Variants in TNR observed in about 807,000 individuals in gnomAD.
TNR encodes the protein tenascin R, also known as tenascin-R.
A neutral mutation model predicts 150.4 loss-of-function variants in TNR; 45 were observed. The observed-to-expected ratio is 0.30, with a 90% CI of 0.24 to 0.38. The LOEUF is 0.38. Among genes scored for constraint, TNR ranks in the 10% least tolerant of loss-of-function variants. TNR has a pLI of 1.00. For synonymous variants in TNR, 687 were observed against 678.4 expected (o/e 1.01, Z -0.20); for missense variants, 1,544 against 1,759.1 (o/e 0.88, Z 2.19).
chr1:175,438,333 T>C (rs1414954944), intron 2 of TNR, among the ~76,000 whole-genome samples: 1 of 152,176 alleles, frequency 6.6e-6, no homozygotes, highest in Non-Finnish European at 1.5e-5. Flanking sequence ...CAACAACCCT[T>C]CGTGCTAAAA....
intron 1 of TNR, among the ~76,000 whole-genome samples, chr1:175,560,474 AG>A (rs925014812): frequency 2.6e-5 from 4 of 152,262 alleles, no homozygotes; most frequent in African/African-American, 9.6e-5. Flanking sequence ...AAACTTTGTC[AG>A]GGGCCTTGCC....
At chr1:175,638,034 A>G (rs6425354) in intron 1 of TNR, among the ~76,000 whole-genome samples, 2 of 152,068 alleles carry the variant, frequency 1.3e-5, no homozygotes, top group Non-Finnish European at 2.9e-5. Context: ...GACAAGCTGC[A>G]TAGAAGCATC....
intron 1 of TNR, among the ~76,000 whole-genome samples, chr1:175,551,452 G>A (rs1017544030): frequency 2.0e-5 from 3 of 152,172 alleles, no homozygotes; most frequent in Non-Finnish European, 4.4e-5. Flanking sequence ...ACTGGGTCTG[G>A]AAATCAGAGA....
At position 175,406,337 on chromosome 1, in the gene TNR, T is replaced by C. The variant is rs780897487; in HGVS notation, c.378A>G (p.Pro126=). 2.5e-6 allele frequency: 4 copies of C among 1,614,128 alleles called. No individual in the cohort carries two copies. The highest frequency in any genetic ancestry group is 3.4e-6 in the Non-Finnish European group (4 of 1,179,996). ...GCAGCACCTGGGCTGAACTGGCACA[T>C]GGACAGGCCTTTTTGGGGAAGTTGA... The part of the protein sequence containing the change: ...HRINFPKKAC[P]CASSAQVLQE... The change falls in exon 3 of 23, where the codon CCA becomes CCG. Residue 126 remains proline, a synonymous_variant. Coordinates refer to ENST00000367674, the MANE Select transcript of TNR (RefSeq NM_003285.3).
chr1:175,675,940 G>C (rs1017306403), intron 1 of TNR, among the ~76,000 whole-genome samples: 12 of 152,166 alleles, frequency 7.9e-5, no homozygotes, highest in Non-Finnish European at 1.3e-4. Flanking sequence ...TTGTGGGGAG[G>C]ATGTGAAAGG....
At chr1:175,398,390 G>A (rs1328917318) in intron 4 of TNR, among the ~76,000 whole-genome samples, 2 of 152,058 alleles carry the variant, frequency 1.3e-5, no homozygotes, top group Non-Finnish European at 1.5e-5. Context: ...AAGTGTAAAC[G>A]AAATTTAAAT....
chr1:175,644,784 G>T (rs1390195118), intron 1 of TNR, among the ~76,000 whole-genome samples: 1 of 152,250 alleles, frequency 6.6e-6, no homozygotes, highest in African/African-American at 2.4e-5. Context: ...TGGTCTTGAA[G>T]TGCTGTGGCA....
chr1:175,558,100 T>C (rs1232533751), intron 1 of TNR, among the ~76,000 whole-genome samples: 1 of 118,634 alleles, frequency 8.4e-6, no homozygotes, highest in African/African-American at 3.2e-5. Flanking sequence ...GGAAGGGGAA[T>C]ATCACCCTCT....
chr1:175,406,862 G>C (rs1307879949), intron 2 of TNR, 85 bp from the exon 3 acceptor site: 2 of 1,030,944 alleles, frequency 1.9e-6, no homozygotes, highest in African/African-American at 3.7e-5. Context: ...AAGCTCAGGA[G>C]TAGGCAGCCA....
At chr1:175,461,822 G>C (rs947661457) in intron 2 of TNR, among the ~76,000 whole-genome samples, 2 of 152,020 alleles carry the variant, frequency 1.3e-5, no homozygotes, top group Non-Finnish European at 2.9e-5. Flanking sequence ...CTGGGCCTTC[G>C]GTTTGTCCTT....
At chr1:175,491,437 C>G (rs751720330) in intron 2 of TNR, among the ~76,000 whole-genome samples, 10 of 151,758 alleles carry the variant, frequency 6.6e-5, no homozygotes, top group Non-Finnish European at 1.2e-4. Context: ...TCACAGAATC[C>G]TTTTAGCACA....
At chr1:175,429,122 C>G (rs1430809985) in intron 2 of TNR, among the ~76,000 whole-genome samples, 3 of 151,980 alleles carry the variant, frequency 2.0e-5, no homozygotes, top group Non-Finnish European at 4.4e-5. Context: ...TGATTAGAAG[C>G]AAAGCAAAGG....
intron 1 of TNR, among the ~76,000 whole-genome samples, chr1:175,568,086 C>A (rs1571617761): frequency 6.6e-6 from 1 of 152,212 alleles, no homozygotes; most frequent in South Asian, 2.1e-4. Context: ...GCAACATGAG[C>A]TCTTACAGCT....
At chr1:175,472,341 C>T (rs1356044358) in intron 2 of TNR, among the ~76,000 whole-genome samples, 1 of 152,018 alleles carries the variant, frequency 6.6e-6, no homozygotes, top group Admixed American at 6.5e-5. Context: ...GGCTGTTCTA[C>T]ATTAACTTTA....
chr1:175,727,753 G>C (rs547795599), intron 1 of TNR, among the ~76,000 whole-genome samples: 1 of 152,270 alleles, frequency 6.6e-6, no homozygotes, highest in Admixed American at 6.5e-5. Flanking sequence ...TGAATAAAAA[G>C]GGAAGGCCAA....
At chr1:175,683,489 A>G (rs1666101942) in intron 1 of TNR, among the ~76,000 whole-genome samples, 1 of 152,202 alleles carries the variant, frequency 6.6e-6, no homozygotes. Flanking sequence ...GAAAACGTCT[A>G]AACTGACCAA....
chr1:175,465,569 C>A (rs1275613105), intron 2 of TNR, among the ~76,000 whole-genome samples: 2 of 152,218 alleles, frequency 1.3e-5, no homozygotes, highest in Admixed American at 1.3e-4. Flanking sequence ...TGCAGTCAGG[C>A]TCTTTCCAGG....
At chr1:175,608,281 C>T (rs1413226391) in intron 1 of TNR, among the ~76,000 whole-genome samples, 1 of 152,116 alleles carries the variant, frequency 6.6e-6, no homozygotes, top group Non-Finnish European at 1.5e-5. Context: ...GTTCAGAAAA[C>T]AAGAAGATTT....
At chr1:175,555,370 C>T (rs896975519) in intron 1 of TNR, among the ~76,000 whole-genome samples, 11 of 152,070 alleles carry the variant, frequency 7.2e-5, no homozygotes, top group African/African-American at 1.2e-4. Context: ...TCAGGCTAGG[C>T]CCACACCTGG....
Sources: allele counts gnomAD v4.1 joint callset (sites outside exome capture counted in the v4.1 genomes callset), GRCh38; gene constraint gnomAD v4.1.1; transcripts MANE v1.5; gene names NCBI Gene and HGNC (gene_info 2026-07-23, HGNC 2026-07-21).